MAP4K2: variants seen among roughly 807,000 people sequenced by gnomAD.
The protein encoded by MAP4K2 is mitogen-activated protein kinase kinase kinase kinase 2.
MAP4K2 carries 85 observed loss-of-function variants against 125.3 expected under a neutral mutation model. That is an observed-to-expected ratio of 0.68 (90% CI 0.57 to 0.81). The LOEUF is 0.81. Ranked by LOEUF, MAP4K2 falls within the 40% of genes least tolerant of loss-of-function variation. The pLI, the probability that MAP4K2 is intolerant of heterozygous loss-of-function variation, is 0.00. For missense variants in MAP4K2, 923 were observed against 1,056.4 expected (o/e 0.87, Z 1.75); for synonymous variants, 479 against 445.1 (o/e 1.08, Z -0.96).
Position 64,789,764 on chromosome 11 carries a change from C to T in MAP4K2, c.2341G>A (p.Glu781Lys). Residue 781 changes from glutamate (E) to lysine (K), a missense_variant, in exon 31 of 32, where the codon GAA (glutamate) becomes AAA (lysine). Coordinates refer to ENST00000294066, the MANE Select transcript of MAP4K2 (RefSeq NM_004579.5). ...CCAAGCACTCGGAAGATCCTTGTTT[C>T]ATCTGTGATCTCCTGGGTCACCTGG... is the stretch of plus-strand genomic sequence containing the variant. ...TNEVTQEITDETRIFRVLGAH... is the reference protein window; with the variant it reads ...TNEVTQEITDKTRIFRVLGAH... 6.2e-7 allele frequency: 1 copy of T among 1,614,148 alleles called. No homozygotes were observed. Among genetic ancestry groups the T allele is most frequent in the Non-Finnish European group, 8.5e-7 (1 of 1,179,994 alleles).
At chr11:64,800,082 A>G in intron 12 of MAP4K2, 27 bp downstream of exon 12, 1 of 1,543,264 alleles carries the variant, frequency 6.5e-7, no homozygotes, top group Non-Finnish European at 8.8e-7. Context: ...CCAGCCCAAG[A>G]CTCACTTTCC....
rs1157395266 is a variant in MAP4K2, at chr11:64,802,581, T to C, written c.227A>G (p.Tyr76Cys). Reference sequence around the variant, plus strand: ...GCCTCACCTGAGGTAGCTGCCAATGTAGGCCACCACATTGGGGTGGCGGCA... The same window carrying C: ...GCCTCACCTGAGGTAGCTGCCAATGCAGGCCACCACATTGGGGTGGCGGCA... ...RECRHPNVVA[Y>C]IGSYLRNDRL... Residue 76 changes from tyrosine (Y) to cysteine (C), a missense_variant, in exon 3 of 32, where the codon TAC (tyrosine) becomes TGC (cysteine). Around this residue, in one of 2 missense-constraint regions of MAP4K2, gnomAD observed 833 missense variants for 911.4 expected, o/e 0.91. Coordinates refer to ENST00000294066, the MANE Select transcript of MAP4K2 (RefSeq NM_004579.5). 2 of 1,610,660 alleles carry C rather than the reference T, an allele frequency of 1.2e-6. No individual in the cohort carries two copies. Among genetic ancestry groups the C allele is most frequent in the African/African-American group, 1.3e-5 (1 of 75,004 alleles).
chr11:64,797,795 C>A (rs1483933751), intron 15 of MAP4K2, 131 bp from the exon 16 acceptor site: 1 of 888,558 alleles, frequency 1.1e-6, no homozygotes, highest in Non-Finnish European at 1.6e-6. Flanking sequence ...AAGCTCCGCC[C>A]CCCAAGTTCA....
rs2136032379 is a variant in MAP4K2 at position 64,788,642 on chromosome 11, CCATCCAAT to C, written c.*887_*894del. ...GGTAGACGGACACAGGCTAGCCTTCCCATCCAATCTGATGATCGTGCTGTCATCTGATG... is the reference window on the plus strand; with the variant it reads ...GGTAGACGGACACAGGCTAGCCTTCCCTGATGATCGTGCTGTCATCTGATG... On this transcript the variant is annotated 3_prime_UTR_variant, in exon 32 of 32. Transcript: ENST00000294066. 1 of 152,350 alleles carries C rather than the reference CCATCCAAT, an allele frequency of 6.6e-6. No homozygotes were observed. The highest frequency in any genetic ancestry group is 6.5e-5 in the Admixed American group (1 of 15,310). 9.4% of individuals were successfully genotyped at this position (152,350 alleles called of 1,614,324 possible).
At position 64,799,667 on chromosome 11, in the gene MAP4K2, G is replaced by A. The variant is rs1176547203; in HGVS notation, c.932C>T (p.Pro311Leu). 3.1e-6 allele frequency: 5 copies of A among 1,613,844 alleles called. No individual in the cohort carries two copies. Among genetic ancestry groups the A allele is most frequent in the South Asian group, 1.1e-5 (1 of 91,070 alleles). ...DCELETYDMF[P>L]DTIHSRGQHG... Reference sequence around the variant, plus strand: ...CTGCCCCCGGGAGTGAATGGTGTCTGGAAACATGTCATAGGTCTAAGGAAA... The same window carrying A: ...CTGCCCCCGGGAGTGAATGGTGTCTAGAAACATGTCATAGGTCTAAGGAAA... Residue 311 changes from proline to leucine, a missense_variant, in exon 13 of 32, where the codon CCA becomes CTA. Physicochemically the swap from Pro to Leu is moderately conservative, Grantham distance 98. Coordinates refer to ENST00000294066, the MANE Select transcript of MAP4K2 (RefSeq NM_004579.5).
intron 12 of MAP4K2, 135 bp downstream of exon 12, chr11:64,799,974 C>T: frequency 1.3e-6 from 1 of 759,760 alleles, no homozygotes; most frequent in Non-Finnish European, 2.2e-6. Context: ...GACAGAGACT[C>T]CTAATGGGAG....
chr11:64,796,506 C>T lies in MAP4K2; in HGVS notation c.1620G>A (p.Leu540=), dbSNP rs1361284756. The change falls in exon 23 of 32, where the codon CTG becomes CTA. Residue 540 remains leucine (L), a synonymous_variant. Transcript: ENST00000294066. ...CSWLYCVNNV[L]LSLSGKSTHI... ...CCCACCTTGTACCTGAGAGTGACAG[C>T]AGCACGTTGTTCACGCAGTAGAGCC... 1 of 1,613,958 alleles carries T rather than the reference C, an allele frequency of 6.2e-7. No homozygotes were observed. The highest frequency in any genetic ancestry group is 1.1e-5 in the South Asian group (1 of 91,086).
Position 64,796,394 on chromosome 11 carries a change from C to T in MAP4K2, c.1634-4G>A. ...GCCCAGATGTGCGTGGATTTCCCTGCAGAAACAGGAAGAGGCCAGGCCTGG... is the reference window on the plus strand; with the variant it reads ...GCCCAGATGTGCGTGGATTTCCCTGTAGAAACAGGAAGAGGCCAGGCCTGG... On this transcript the variant is annotated splice_region_variant and splice_polypyrimidine_tract_variant and intron_variant, in intron 23 of 31. Coordinates refer to ENST00000294066, the MANE Select transcript of MAP4K2 (RefSeq NM_004579.5). 5.6e-6 allele frequency: 9 copies of T among 1,610,424 alleles called. No individual in the cohort carries two copies. Among genetic ancestry groups the T allele is most frequent in the Non-Finnish European group, 7.6e-6 (9 of 1,177,832 alleles).
In MAP4K2 at chr11:64,796,256, C is replaced by A. The variant is rs373792375; in HGVS notation, c.1751+17G>T. On this transcript the variant is annotated intron_variant, in intron 24 of 31. Coordinates refer to ENST00000294066, the MANE Select transcript of MAP4K2 (RefSeq NM_004579.5). ...GCCCCTCTGCCTCCCGCTCCCTGCA[C>A]GCCCAAGATCCCTGACCTGGGGATG... 1 of 1,516,160 alleles carries A rather than the reference C, an allele frequency of 6.6e-7. No individual in the cohort carries two copies. The highest frequency in any genetic ancestry group is 8.8e-7 in the Non-Finnish European group (1 of 1,132,724). The allele number at this position is 1,516,160 out of a possible 1,614,324, so 93.9% of individuals were successfully genotyped here.
chr11:64,793,216 C>A (rs1302183769), intron 24 of MAP4K2, among the ~76,000 whole-genome samples: 2 of 149,202 alleles, frequency 1.3e-5, no homozygotes, highest in Non-Finnish European at 1.5e-5. Flanking sequence ...AACTCGGTCT[C>A]AAAAAAAAAG....
intron 24 of MAP4K2, among the ~76,000 whole-genome samples, chr11:64,793,884 C>T (rs763626037): frequency 6.6e-6 from 1 of 152,208 alleles, no homozygotes; most frequent in Non-Finnish European, 1.5e-5. Flanking sequence ...GTAGGTCCTG[C>T]GCCAAAGCAG....
intron 27 of MAP4K2, among the ~76,000 whole-genome samples, chr11:64,791,509 G>A (rs1331639425): frequency 6.6e-6 from 1 of 152,208 alleles, no homozygotes; most frequent in African/African-American, 2.4e-5. Flanking sequence ...AGCCCAAGTA[G>A]CTGGGACTAC....
rs369940309 is a variant in MAP4K2 at position 64,801,762 on chromosome 11, C to T, written c.367-5G>A. The stretch of plus-strand genomic sequence containing the variant: ...AGAATGCAGGTGGTGGAGCCCCTGG[C>T]GACAAAGAGGAGTCCCTGAGAGCAG... On this transcript the variant is annotated splice_region_variant and splice_polypyrimidine_tract_variant and intron_variant, in intron 5 of 31. Coordinates refer to ENST00000294066, the MANE Select transcript of MAP4K2 (RefSeq NM_004579.5). 24 of 1,612,706 alleles carry T rather than the reference C, an allele frequency of 1.5e-5. No homozygotes were observed. The highest frequency in any genetic ancestry group is 1.3e-4 in the East Asian group (6 of 44,892).
chr11:64,802,476 G>A lies in MAP4K2; in HGVS notation c.253C>T (p.Arg85Cys). The A allele has an allele frequency of 6.6e-6, 10 of 1,523,026 alleles. No individual in the cohort carries two copies. Among genetic ancestry groups the A allele is most frequent in the Middle Eastern group, 3.5e-4 (2 of 5,698 alleles). The allele number at this position is 1,523,026 out of a possible 1,614,324, so 94.3% of individuals were successfully genotyped here. ...AYIGSYLRND[R>C]LWICMEFCGG... The stretch of plus-strand genomic sequence containing the variant: ...CAGAACTCCATGCAGATCCACAAGC[G>A]GTCATTCCTAGGGACAAAGAGCTGG... The change falls in exon 4 of 32, where the codon CGC (arginine) becomes TGC (cysteine). Residue 85 changes from arginine to cysteine, a missense_variant. Around this residue, in one of 2 missense-constraint regions of MAP4K2, gnomAD observed 833 missense variants for 911.4 expected, o/e 0.91. Coordinates refer to ENST00000294066, the MANE Select transcript of MAP4K2 (RefSeq NM_004579.5).
In MAP4K2 at chr11:64,786,237, T is replaced by C. The variant is rs1238945897; in HGVS notation, c.*3300A>G. On this transcript the variant is annotated 3_prime_UTR_variant, in exon 32 of 32. Transcript: ENST00000294066. ...TGTTTTAATTTACCTCTAAGAGTCATCTATGTTATTGCATTATGTCTGTTA... is the reference window on the plus strand; with the variant it reads ...TGTTTTAATTTACCTCTAAGAGTCACCTATGTTATTGCATTATGTCTGTTA... 1.3e-5 allele frequency: 2 copies of C among 152,244 alleles called. No homozygotes were observed. Among genetic ancestry groups the C allele is most frequent in the African/African-American group, 4.8e-5 (2 of 41,464 alleles). 9.4% of individuals were successfully genotyped at this position (152,244 alleles called of 1,614,324 possible). A position where few individuals can be genotyped will look rare whatever the true frequency, so the allele number is the denominator to read the frequency against.
In MAP4K2 at chr11:64,789,539, A is replaced by C; in HGVS notation, c.2461T>G (p.Ter821GluextTer44). Residue 821 changes from the stop codon to glutamate (E), a stop_lost, in exon 32 of 32, where the codon TAA (stop) becomes GAA (glutamate). Coordinates refer to ENST00000294066, the MANE Select transcript of MAP4K2 (RefSeq NM_004579.5). Reference protein sequence around the residue: ...YILTGHQSTY* With the variant: ...YILTGHQSTYE Reference sequence around the variant, plus strand: ...GCCCCTGGACAGGCCCGCTGCTCTTAGTAGGTGCTCTGGTGGCCCGTGAGG... The same window carrying C: ...GCCCCTGGACAGGCCCGCTGCTCTTCGTAGGTGCTCTGGTGGCCCGTGAGG... 2 of 1,579,554 alleles carry C rather than the reference A, an allele frequency of 1.3e-6. No homozygotes were observed. Among genetic ancestry groups the C allele is most frequent in the Non-Finnish European group, 1.7e-6 (2 of 1,162,178 alleles).
intron 5 of MAP4K2, 85 bp downstream of exon 5, chr11:64,801,981 C>A (rs1192300883): frequency 7.0e-7 from 1 of 1,428,162 alleles, no homozygotes; most frequent in Non-Finnish European, 9.6e-7. Flanking sequence ...CCGAGGCACT[C>A]CACCCGCCTC....
At position 64,796,812 on chromosome 11, in the gene MAP4K2, G is replaced by A. The variant is rs1241790989; in HGVS notation, c.1489C>T (p.Arg497Trp). Residue 497 changes from arginine to tryptophan, a missense_variant, in exon 21 of 32, where the codon CGG (arginine) becomes TGG (tryptophan). Physicochemically the swap from Arg to Trp is moderately radical, Grantham distance 101. This residue lies in a region of MAP4K2 where 833 missense variants were observed against 911.4 expected (regional missense o/e 0.91). Coordinates refer to ENST00000294066, the MANE Select transcript of MAP4K2 (RefSeq NM_004579.5). ...CTTCCTCCCTGCCCCCACCTACCCC[G>A]AGTAACAGGGTGAATCCAGGTGACA... ...AAVTWIHPVT[R>W]DQFLVVGAEE... is the part of the protein sequence containing the mutation. 23 of 1,613,678 alleles carry A rather than the reference G, an allele frequency of 1.4e-5. No individual in the cohort carries two copies. The highest frequency in any genetic ancestry group is 1.6e-4 in the Middle Eastern group (1 of 6,062).
chr11:64,802,807 G>T, intron 2 of MAP4K2, 78 bp downstream of exon 2: 2 of 1,519,948 alleles, frequency 1.3e-6, no homozygotes, highest in Non-Finnish European at 1.8e-6. Flanking sequence ...TCTCGGAAAC[G>T]TCAACCCTCC....
Sources: gnomAD v4.1 joint callset for allele counts (sites outside exome capture counted in the v4.1 genomes callset) on GRCh38, gnomAD v4.1.1 for gene constraint, gnomAD v4.1.1 regional missense constraint, MANE v1.5 for transcripts, NCBI Gene and HGNC (gene_info 2026-07-23, HGNC 2026-07-21) for gene names.